The following CYRIB variants were observed in gnomAD, a reference collection of about 807,000 sequenced individuals.
CYRIB encodes the protein CYFIP-related Rac1 interactor B.
A neutral mutation model predicts 44.2 loss-of-function variants in CYRIB; 8 were observed. That is an observed-to-expected ratio of 0.18 (90% CI 0.11 to 0.33). The LOEUF is 0.33. Ranked by LOEUF, CYRIB falls within the 10% of genes least tolerant of loss-of-function variation. The pLI is 1.00. For synonymous variants in CYRIB, 131 were observed against 127.2 expected (o/e 1.03, Z -0.20); for missense variants, 185 against 382.8 (o/e 0.48, Z 4.31).
chr8:129,929,847 T>A (rs903448400), intron 1 of CYRIB, among the ~76,000 whole-genome samples: 1 of 152,142 alleles, frequency 6.6e-6, no homozygotes, highest in African/African-American at 2.4e-5. Context: ...TGTTTTAGGG[T>A]ACCGGTACCT....
intron 2 of CYRIB, among the ~76,000 whole-genome samples, chr8:129,964,933 T>C (rs975833345): frequency 1.3e-5 from 2 of 152,224 alleles, no homozygotes; most frequent in Non-Finnish European, 2.9e-5. Flanking sequence ...TGGGCAGCTC[T>C]GTAGTCCAGG....
chr8:129,861,188 CT>C (rs2049264168), intron 5 of CYRIB, among the ~76,000 whole-genome samples: 1 of 152,182 alleles, frequency 6.6e-6, no homozygotes, highest in Non-Finnish European at 1.5e-5. Flanking sequence ...TCTCCTGTGT[CT>C]ATTCACTGTA....
intron 5 of CYRIB, among the ~76,000 whole-genome samples, chr8:129,857,388 G>A (rs2046766652): frequency 6.6e-6 from 1 of 152,208 alleles, no homozygotes; most frequent in African/African-American, 2.4e-5. Context: ...TGAGTTTGCA[G>A]ACAGAAAGGC....
chr8:129,954,254 G>A (rs896197107), intron 2 of CYRIB, among the ~76,000 whole-genome samples: 20 of 151,600 alleles, frequency 1.3e-4, no homozygotes, highest in Non-Finnish European at 2.9e-5. Flanking sequence ...ACAGACTCTC[G>A]CTGTGTCCCC....
chr8:129,994,667 C>T (rs901094917), intron 1 of CYRIB, among the ~76,000 whole-genome samples: 1 of 152,158 alleles, frequency 6.6e-6, no homozygotes, highest in South Asian at 2.1e-4. Context: ...TACAGCCTGG[C>T]GGTACACACC....
At position 129,846,720 on chromosome 8, in the gene CYRIB, C is replaced by G; in HGVS notation, c.911+84G>C. 1.5e-5 allele frequency: 13 copies of G among 847,880 alleles called. No individual in the cohort carries two copies. The South Asian group carries it at 2.0e-4, about 13-fold the overall frequency. The allele number at this position is 847,880 out of a possible 1,614,324, so 52.5% of individuals were successfully genotyped here. On this transcript the variant is annotated intron_variant, in intron 11 of 11. Transcript: ENST00000519824. Reference sequence around the variant, plus strand: ...AACACTTATTTTTATATCCTATTCACACTTAATGCATTTTCTTTACATAAA... The same window carrying G: ...AACACTTATTTTTATATCCTATTCAGACTTAATGCATTTTCTTTACATAAA...
chr8:129,911,858 T>C (rs540859242), intron 1 of CYRIB, among the ~76,000 whole-genome samples: 3 of 152,268 alleles, frequency 2.0e-5, no homozygotes, highest in Admixed American at 6.5e-5. Flanking sequence ...ACTGACCATC[T>C]ACAATGGGAC....
intron 1 of CYRIB, among the ~76,000 whole-genome samples, chr8:129,989,430 GT>G: frequency 6.6e-6 from 1 of 152,186 alleles, no homozygotes; most frequent in African/African-American, 2.4e-5. Flanking sequence ...CTCAAATTAA[GT>G]TACTCCTCAG....
intron 1 of CYRIB, among the ~76,000 whole-genome samples, chr8:129,977,776 C>G (rs547601156): frequency 6.6e-6 from 1 of 152,302 alleles, no homozygotes; most frequent in African/African-American, 2.4e-5. Context: ...TCGTGATCTG[C>G]CCGCCTTGGC....
chr8:129,840,776 A>C (rs1038597537), exon 12 of CYRIB: 1 of 152,454 alleles, frequency 6.6e-6, no homozygotes, highest in East Asian at 1.9e-4. Flanking sequence ...ACAGGGTGTG[A>C]AGTGGGGGAG....
At chr8:130,014,725 A>C (rs2097303275) in intron 1 of CYRIB, among the ~76,000 whole-genome samples, 1 of 152,164 alleles carries the variant, frequency 6.6e-6, no homozygotes, top group African/African-American at 2.4e-5. Context: ...GCTGGAACCC[A>C]CTTCAGCCTC....
intron 1 of CYRIB, chr8:129,912,610 G>A (rs1435704425): frequency 6.6e-6 from 1 of 152,046 alleles, no homozygotes; most frequent in African/African-American, 2.4e-5. Flanking sequence ...GAACAGAGAA[G>A]GTGCATTTCA....
chr8:129,848,865 C>T (rs531725710), intron 10 of CYRIB, among the ~76,000 whole-genome samples: 1 of 152,168 alleles, frequency 6.6e-6, no homozygotes, highest in Non-Finnish European at 1.5e-5. Context: ...AGCCAGCACG[C>T]CCAGCAGCAC....
chr8:129,915,693 T>C (rs2080389018), intron 1 of CYRIB, among the ~76,000 whole-genome samples: 1 of 152,156 alleles, frequency 6.6e-6, no homozygotes, highest in Admixed American at 6.5e-5. Flanking sequence ...AATAAAACTT[T>C]TAAAAATGGT....
chr8:129,885,528 T>C (rs2062397471), intron 2 of CYRIB, among the ~76,000 whole-genome samples: 1 of 152,142 alleles, frequency 6.6e-6, no homozygotes, highest in Admixed American at 6.5e-5. Flanking sequence ...ATACTAACAT[T>C]TGAACTGTAC....
At chr8:130,015,781 T>C (rs1009479786) in intron 1 of CYRIB, among the ~76,000 whole-genome samples, 4 of 152,156 alleles carry the variant, frequency 2.6e-5, no homozygotes, top group Non-Finnish European at 5.9e-5. Flanking sequence ...AAAAGAAAGA[T>C]AATGAAAAGA....
chr8:129,859,419 G>A (rs572051635), intron 5 of CYRIB, among the ~76,000 whole-genome samples: 1 of 151,476 alleles, frequency 6.6e-6, no homozygotes, highest in African/African-American at 2.4e-5. Flanking sequence ...CCTGACTAAT[G>A]TCAGGCCCTC....
At chr8:129,930,365 T>TTATATATATATATATATATATA (rs1554659983) in intron 1 of CYRIB, among the ~76,000 whole-genome samples, 837 of 49,868 alleles carry the variant, frequency 0.017, 93 homozygotes, top group African/African-American at 0.039. Flanking sequence ...TGTGAAGTGC[T>TTATATATATATATATATATATA]TATATATATA....
intron 3 of CYRIB, among the ~76,000 whole-genome samples, chr8:129,876,756 A>C (rs183874865): frequency 2.6e-5 from 4 of 152,350 alleles, no homozygotes. Context: ...CTGCAGAGAC[A>C]TATTGGGTCA....
Sources: allele counts gnomAD v4.1 joint callset (sites outside exome capture counted in the v4.1 genomes callset), GRCh38; gene constraint gnomAD v4.1.1; transcripts MANE v1.5; gene names NCBI Gene and HGNC (gene_info 2026-07-23, HGNC 2026-07-21).